The following PDGFRL variants were observed in gnomAD, a reference collection of about 807,000 sequenced individuals.
The protein encoded by PDGFRL is platelet derived growth factor receptor like.
PDGFRL carries 46 observed loss-of-function variants against 37.2 expected under a neutral mutation model. The ratio of observed to expected loss-of-function variants is 1.24; its 90% CI spans 0.98 to 1.58. The LOEUF is 1.58. Ranked by LOEUF, PDGFRL falls within the 40% of genes most tolerant of loss-of-function variation. PDGFRL has a pLI of 0.00. For synonymous variants in PDGFRL, 251 were observed against 184.3 expected (o/e 1.36, Z -2.93); for missense variants, 692 against 467.6 (o/e 1.48, Z -4.43).
At chr8:17,602,457 C>G (rs1454799860) in intron 2 of PDGFRL, among the ~76,000 whole-genome samples, 2 of 152,094 alleles carry the variant, frequency 1.3e-5, no homozygotes, top group Non-Finnish European at 2.9e-5. Context: ...ATGGAGGTAG[C>G]TTCAGGCAAG....
intron 3 of PDGFRL, among the ~76,000 whole-genome samples, chr8:17,621,833 A>T (rs764848955): frequency 6.6e-6 from 1 of 151,838 alleles, no homozygotes; most frequent in African/African-American, 2.4e-5. Flanking sequence ...CCTTTTTATT[A>T]TTTTGTTTTT....
chr8:17,613,499 G>A (rs1408972475), intron 2 of PDGFRL, among the ~76,000 whole-genome samples: 2 of 152,182 alleles, frequency 1.3e-5, no homozygotes, highest in African/African-American at 2.4e-5. Context: ...AGGGGTGAGA[G>A]TGATGCCGGC....
At chr8:17,616,542 G>C (rs930279854) in intron 2 of PDGFRL, among the ~76,000 whole-genome samples, 2 of 152,090 alleles carry the variant, frequency 1.3e-5, no homozygotes, top group Non-Finnish European at 1.5e-5. Flanking sequence ...CCAACTTGTC[G>C]TCCAGAATAA....
upstream of PDGFRL, chr8:17,576,590 TCTC>T (rs1803584975): frequency 3.4e-6 from 1 of 290,028 alleles, no homozygotes; most frequent in Non-Finnish European, 5.1e-6. Flanking sequence ...AATTCCCTGT[TCTC>T]CTGCCTCACC....
intron 2 of PDGFRL, among the ~76,000 whole-genome samples, chr8:17,614,790 G>A (rs900198439): frequency 6.6e-6 from 1 of 152,100 alleles, no homozygotes; most frequent in African/African-American, 2.4e-5. Flanking sequence ...TTTTCCAACA[G>A]AGGCAGCACA....
At chr8:17,625,185 C>T (rs1804709224) in intron 3 of PDGFRL, among the ~76,000 whole-genome samples, 1 of 136,824 alleles carries the variant, frequency 7.3e-6, no homozygotes, top group African/African-American at 2.7e-5. Flanking sequence ...TGGAGTCTCC[C>T]TCTGTTGCCA....
At chr8:17,637,327 CTGTT>C (rs1197377646) in intron 5 of PDGFRL, among the ~76,000 whole-genome samples, 1 of 152,082 alleles carries the variant, frequency 6.6e-6, no homozygotes, top group East Asian at 1.9e-4. Context: ...TTTTGTGTGT[CTGTT>C]GAGATGATCA....
chr8:17,620,162 A>G (rs921612615), intron 2 of PDGFRL, among the ~76,000 whole-genome samples: 5 of 152,092 alleles, frequency 3.3e-5, no homozygotes, highest in African/African-American at 4.8e-5. Flanking sequence ...GGGTCTTGCT[A>G]TGTTGCTCAG....
chr8:17,628,910 G>A (rs944359503), intron 4 of PDGFRL, 130 bp downstream of exon 4: 3 of 651,956 alleles, frequency 4.6e-6, no homozygotes, highest in African/African-American at 3.7e-5. Context: ...TTGGGTTGTT[G>A]TTGTTTTTTT....
intron 2 of PDGFRL, among the ~76,000 whole-genome samples, chr8:17,604,387 A>T (rs551603565): frequency 1.3e-5 from 2 of 152,356 alleles, no homozygotes; most frequent in African/African-American, 4.8e-5. Context: ...CATATACACC[A>T]TGGAATACTA....
chr8:17,591,586 A>G (rs1026513214), intron 2 of PDGFRL, among the ~76,000 whole-genome samples: 3 of 152,232 alleles, frequency 2.0e-5, no homozygotes, highest in African/African-American at 4.8e-5. Context: ...GAGAAATACC[A>G]GATGTTGTCT....
At chr8:17,632,715 G>C (rs1332112221) in intron 4 of PDGFRL, among the ~76,000 whole-genome samples, 6 of 152,070 alleles carry the variant, frequency 3.9e-5, no homozygotes, top group African/African-American at 1.4e-4. Flanking sequence ...GGCCTGAATG[G>C]CCTCACATGG....
chr8:17,616,901 A>T (rs773695039), intron 2 of PDGFRL, among the ~76,000 whole-genome samples: 48 of 152,186 alleles, frequency 3.2e-4, no homozygotes, highest in Non-Finnish European at 5.3e-4. Flanking sequence ...ACCGGGGCAG[A>T]CAGGAAATGG....
intron 5 of PDGFRL, among the ~76,000 whole-genome samples, chr8:17,637,672 A>G (rs971476282): frequency 6.6e-6 from 1 of 152,196 alleles, no homozygotes; most frequent in African/African-American, 2.4e-5. Flanking sequence ...GTCTGATAGA[A>G]TTCATTTGTG....
At chr8:17,637,651 G>C (rs748311190) in intron 5 of PDGFRL, among the ~76,000 whole-genome samples, 13 of 152,098 alleles carry the variant, frequency 8.5e-5, no homozygotes, top group Non-Finnish European at 1.9e-4. Flanking sequence ...ATTGATACCA[G>C]TTCTTAGAAT....
intron 5 of PDGFRL, among the ~76,000 whole-genome samples, chr8:17,641,833 C>T (rs555834882): frequency 3.4e-4 from 51 of 148,244 alleles, no homozygotes; most frequent in African/African-American, 1.3e-3. Context: ...ATCCTGGTAC[C>T]AGGCACTTGA....
At chr8:17,616,208 A>ATTTATTTCTTTC (rs1554552874) in intron 2 of PDGFRL, among the ~76,000 whole-genome samples, 2 of 142,380 alleles carry the variant, frequency 1.4e-5, no homozygotes, top group South Asian at 4.4e-4. Flanking sequence ...TTATTTATTT[A>ATTTATTTCTTTC]TTTCTGAGAG....
At chr8:17,640,462 A>T (rs777436141) in intron 5 of PDGFRL, among the ~76,000 whole-genome samples, 3 of 152,160 alleles carry the variant, frequency 2.0e-5, no homozygotes, top group Admixed American at 2.0e-4. Context: ...CTTTTGTCCC[A>T]TGGGGTGCTC....
intron 3 of PDGFRL, among the ~76,000 whole-genome samples, chr8:17,622,784 A>G (rs879593529): frequency 2.6e-5 from 4 of 152,182 alleles, no homozygotes; most frequent in East Asian, 3.9e-4. Flanking sequence ...AAGGGCTTCT[A>G]TGTTCCCTCG....
Sources: gnomAD v4.1 joint callset for allele counts (sites outside exome capture counted in the v4.1 genomes callset) on GRCh38, gnomAD v4.1.1 for gene constraint, MANE v1.5 for transcripts, NCBI Gene and HGNC (gene_info 2026-07-23, HGNC 2026-07-21) for gene names.